The following MAGI1 variants were observed in gnomAD, a reference collection of about 807,000 sequenced individuals.
The protein encoded by MAGI1 is membrane-associated guanylate kinase, WW and PDZ domain-containing protein 1.
In MAGI1, 58 loss-of-function variants were observed where a neutral mutation model predicts 139.9. The observed-to-expected ratio is 0.41, with a 90% CI of 0.34 to 0.52. The LOEUF is 0.52. MAGI1 is among the 20% of genes least tolerant of loss of function. MAGI1 has a pLI of 0.12. For missense variants in MAGI1, 1,874 were observed against 1,901.6 expected, an observed-to-expected ratio of 0.99 and a Z score of 0.27; for synonymous variants, 812 against 737.9, an observed-to-expected ratio of 1.10 and a Z score of -1.63.
chr3:65,844,098 G>A (rs2058900962), intron 1 of MAGI1: 2 of 505,704 alleles, frequency 4.0e-6, no homozygotes, highest in Admixed American at 2.0e-5. Flanking sequence ...GTTGGTAGGT[G>A]TGTCTGGGCC....
intron 1 of MAGI1, among the ~76,000 whole-genome samples, chr3:65,731,958 G>C (rs764772784): frequency 3.1e-4 from 47 of 152,270 alleles, no homozygotes; most frequent in Non-Finnish European, 5.6e-4. Flanking sequence ...ATTACTTGTG[G>C]TTCTGATATA....
chr3:66,021,278 C>T (rs2067946224), intron 1 of MAGI1, among the ~76,000 whole-genome samples: 1 of 152,034 alleles, frequency 6.6e-6, no homozygotes, highest in Non-Finnish European at 1.5e-5. Flanking sequence ...TCCATCATCA[C>T]AGAAAGTTCT....
chr3:65,897,261 G>A (rs1396014440), intron 1 of MAGI1, among the ~76,000 whole-genome samples: 1 of 152,078 alleles, frequency 6.6e-6, no homozygotes, highest in Non-Finnish European at 1.5e-5. Flanking sequence ...TTTTGCATTA[G>A]AAAATTAATG....
chr3:65,899,619 A>G (rs1445711428), intron 1 of MAGI1, among the ~76,000 whole-genome samples: 2 of 152,232 alleles, frequency 1.3e-5, no homozygotes, highest in African/African-American at 4.8e-5. Flanking sequence ...AGAGAGCTGA[A>G]AACAGAAAGA....
At chr3:65,434,656 C>T (rs761230817) in intron 10 of MAGI1, among the ~76,000 whole-genome samples, 1 of 152,096 alleles carries the variant, frequency 6.6e-6, no homozygotes, top group African/African-American at 2.4e-5. Context: ...AACCGGTAGG[C>T]AGGTAACCCA....
chr3:65,714,176 G>A (rs2031895252), intron 1 of MAGI1, among the ~76,000 whole-genome samples: 1 of 152,118 alleles, frequency 6.6e-6, no homozygotes, highest in Non-Finnish European at 1.5e-5. Context: ...TTCCGTAACT[G>A]GCAGTTATTA....
chr3:65,499,902 A>G (rs1388833656), intron 2 of MAGI1, among the ~76,000 whole-genome samples: 1 of 152,194 alleles, frequency 6.6e-6, no homozygotes, highest in Admixed American at 6.5e-5. Context: ...TCATGCTCCA[A>G]ATGGTATCAA....
chr3:65,585,820 A>G (rs1328292843), intron 2 of MAGI1, among the ~76,000 whole-genome samples: 1 of 152,170 alleles, frequency 6.6e-6, no homozygotes, highest in East Asian at 1.9e-4. Flanking sequence ...GAACAATTCT[A>G]CTGCCCTTTA....
At chr3:65,388,558 T>C (rs1013757212) in intron 14 of MAGI1, among the ~76,000 whole-genome samples, 2 of 152,084 alleles carry the variant, frequency 1.3e-5, no homozygotes, top group Non-Finnish European at 2.9e-5. Flanking sequence ...AAAGACGAGA[T>C]TGATGCACGA....
At chr3:65,500,857 T>G (rs1157722070) in intron 2 of MAGI1, among the ~76,000 whole-genome samples, 1 of 152,206 alleles carries the variant, frequency 6.6e-6, no homozygotes, top group Non-Finnish European at 1.5e-5. Flanking sequence ...CTTCAAAAAA[T>G]GACAGTCACT....
intron 1 of MAGI1, among the ~76,000 whole-genome samples, chr3:65,627,663 A>G (rs902359243): frequency 1.3e-5 from 2 of 151,574 alleles, no homozygotes; most frequent in Admixed American, 6.6e-5. Flanking sequence ...GACCACCACC[A>G]TGCCCAGCTA....
intron 3 of MAGI1, among the ~76,000 whole-genome samples, chr3:65,490,730 G>C (rs1951953030): frequency 6.6e-6 from 1 of 151,512 alleles, no homozygotes; most frequent in South Asian, 2.1e-4. Context: ...TGTAGTTCCA[G>C]CTACTCAGGA....
rs2108270651 is a variant in MAGI1, at chr3:65,825,258, G to A, written c.314-203170C>T. 2.0e-5 allele frequency among the ~76,000 whole-genome samples: 3 copies of A among 152,276 alleles called. No homozygotes were observed. In the South Asian group the frequency reaches 6.2e-4, roughly 32 times the overall value. ...TTCTTTTTTTCCACTAACAGGCAGGGACTCTTCTCATCTTTAGAATCTATC... is the reference window on the plus strand; with the variant it reads ...TTCTTTTTTTCCACTAACAGGCAGGAACTCTTCTCATCTTTAGAATCTATC... On this transcript the variant is annotated intron_variant, in intron 1 of 22. Transcript: ENST00000402939.
intron 1 of MAGI1, among the ~76,000 whole-genome samples, chr3:65,914,783 T>C (rs2061822695): frequency 6.6e-6 from 1 of 152,224 alleles, no homozygotes; most frequent in African/African-American, 2.4e-5. Flanking sequence ...AGGATATATG[T>C]ACATATACAA....
intron 2 of MAGI1, among the ~76,000 whole-genome samples, chr3:65,578,804 C>G (rs1228159838): frequency 6.6e-6 from 1 of 151,996 alleles, no homozygotes; most frequent in Non-Finnish European, 1.5e-5. Context: ...CCCTGTACCC[C>G]CAGCTACTTG....
intron 2 of MAGI1, chr3:65,597,931 G>GA (rs1387781134): frequency 3.8e-5 from 17 of 451,680 alleles, no homozygotes; most frequent in Admixed American, 2.1e-4. Flanking sequence ...GGGGTGGGGG[G>GA]GGGGTGGGAC....
At chr3:65,732,424 T>TGCGAGCTGTGCG in intron 1 of MAGI1, among the ~76,000 whole-genome samples, 2 of 152,334 alleles carry the variant, frequency 1.3e-5, no homozygotes, top group African/African-American at 4.8e-5. Context: ...CTCCCAGGAT[T>TGCGAGCTGTGCG]AGCTGTGCGA....
chr3:65,462,680 T>C (rs946391855), intron 5 of MAGI1, among the ~76,000 whole-genome samples: 5 of 152,258 alleles, frequency 3.3e-5, no homozygotes, highest in Non-Finnish European at 4.4e-5. Context: ...TTGATGGGGA[T>C]AGCATTGAAT....
chr3:65,434,310 T>C (rs1947678171), intron 10 of MAGI1, among the ~76,000 whole-genome samples: 1 of 152,152 alleles, frequency 6.6e-6, no homozygotes. Flanking sequence ...CCTGGGAAGG[T>C]ACCTGGCACA....
Sources: allele counts gnomAD v4.1 joint callset (sites outside exome capture counted in the v4.1 genomes callset), GRCh38; gene constraint gnomAD v4.1.1; transcripts MANE v1.5; gene names NCBI Gene and HGNC (gene_info 2026-07-23, HGNC 2026-07-21).